CTDSPL2: variants seen among roughly 807,000 people sequenced by gnomAD.
CTDSPL2 encodes the protein CTD small phosphatase like 2, also known as CTD small phosphatase-like protein 2.
CTDSPL2 carries 5 observed loss-of-function variants against 60.0 expected under a neutral mutation model. The ratio of observed to expected loss-of-function variants is 0.08; its 90% confidence interval spans 0.04 to 0.18. The LOEUF (loss-of-function observed/expected upper bound fraction) is 0.18. Ranked by LOEUF, CTDSPL2 falls within the 10% of genes least tolerant of loss-of-function variation. The probability of loss-of-function intolerance (pLI) is 1.00; values close to 1 mark genes in which losing one functional copy is unlikely to be tolerated. For synonymous variants in CTDSPL2, 186 were observed against 189.3 expected, an observed-to-expected ratio of 0.98 and a Z score of 0.14; for missense variants, 370 against 548.8, an observed-to-expected ratio of 0.67 and a Z score of 3.26.
chr15:44,474,025 G>A (rs1311363713), intron 2 of CTDSPL2, among the ~76,000 whole-genome samples: 2 of 152,014 alleles, frequency 1.3e-5, no homozygotes, highest in African/African-American at 4.8e-5. Context: ...ATGGGGTTTC[G>A]CCGTGTTGCC....
intron 1 of CTDSPL2, among the ~76,000 whole-genome samples, chr15:44,431,219 C>T (rs570211086): frequency 2.6e-5 from 4 of 152,112 alleles, no homozygotes; most frequent in African/African-American, 9.6e-5. Flanking sequence ...CCTTAAGCCT[C>T]CCAAAGTGCT....
intron 2 of CTDSPL2, among the ~76,000 whole-genome samples, chr15:44,483,545 A>G (rs2081068140): frequency 6.6e-6 from 1 of 152,052 alleles, no homozygotes; most frequent in African/African-American, 2.4e-5. Context: ...TCTCAAAAAA[A>G]AAAAAATTTA....
chr15:44,454,895 G>A (rs1344052774), intron 1 of CTDSPL2, among the ~76,000 whole-genome samples: 1 of 152,186 alleles, frequency 6.6e-6, no homozygotes. Context: ...GCTTAGGATT[G>A]TCTTGGCAGT....
intron 12 of CTDSPL2, among the ~76,000 whole-genome samples, chr15:44,522,257 C>T (rs2081792588): frequency 6.6e-6 from 1 of 152,220 alleles, no homozygotes; most frequent in South Asian, 2.1e-4. Context: ...TGGTCTTGAA[C>T]TCATGGGCTC....
chr15:44,446,489 G>C (rs2080217095), intron 1 of CTDSPL2, among the ~76,000 whole-genome samples: 1 of 152,002 alleles, frequency 6.6e-6, no homozygotes, highest in Admixed American at 6.6e-5. Flanking sequence ...AAGTAGCCGG[G>C]TGTGGTGGCA....
In CTDSPL2 at chr15:44,499,830, T is replaced by G. The variant is rs2081358470; in HGVS notation, c.969+17T>G. 2 of 1,495,598 alleles carry G rather than the reference T, an allele frequency of 1.3e-6. No individual in the cohort carries two copies. The highest frequency in any genetic ancestry group is 1.9e-6 in the Non-Finnish European group (2 of 1,077,346). 92.6% of individuals were successfully genotyped at this position (1,495,598 alleles called of 1,614,324 possible). Reference sequence around the variant, plus strand: ...ATTTATCAGGTAATTAAAATTTTTTTGATGATTTTTGGCCTGATAGGTAAC... The same window carrying G: ...ATTTATCAGGTAATTAAAATTTTTTGGATGATTTTTGGCCTGATAGGTAAC... On this transcript the variant is annotated intron_variant, in intron 8 of 12. Coordinates refer to ENST00000260327, the MANE Select transcript of CTDSPL2 (RefSeq NM_016396.3).
intron 1 of CTDSPL2, among the ~76,000 whole-genome samples, chr15:44,446,434 C>G (rs1472069223): frequency 2.0e-5 from 3 of 151,864 alleles, no homozygotes; most frequent in Admixed American, 6.6e-5. Context: ...TCGAAACCGC[C>G]CTGGCCAACA....
chr15:44,444,316 C>A (rs908865547), intron 1 of CTDSPL2, among the ~76,000 whole-genome samples: 1 of 146,584 alleles, frequency 6.8e-6, no homozygotes, highest in Non-Finnish European at 1.5e-5. Flanking sequence ...CACACACACA[C>A]ACACACACAC....
intron 1 of CTDSPL2, among the ~76,000 whole-genome samples, chr15:44,443,330 C>T (rs527479527): frequency 6.6e-6 from 1 of 152,292 alleles, no homozygotes; most frequent in African/African-American, 2.4e-5. Flanking sequence ...TCGATTGCAT[C>T]CACCTTTTAG....
At chr15:44,439,121 A>ATAT (rs151096962) in intron 1 of CTDSPL2, among the ~76,000 whole-genome samples, 3,861 of 149,010 alleles carry the variant, frequency 0.026, 88 homozygotes, top group African/African-American at 0.057. Flanking sequence ...CCCAAGCTTT[A>ATAT]TATTATTATT....
At chr15:44,497,753 G>C (rs1225339221) in intron 7 of CTDSPL2, among the ~76,000 whole-genome samples, 3 of 152,100 alleles carry the variant, frequency 2.0e-5, no homozygotes, top group Admixed American at 2.0e-4. Context: ...CTAGAACTTT[G>C]GGAGGCCGAA....
At chr15:44,483,198 GGTTGCT>G (rs1409050419) in intron 2 of CTDSPL2, among the ~76,000 whole-genome samples, 3 of 151,232 alleles carry the variant, frequency 2.0e-5, no homozygotes, top group Non-Finnish European at 4.4e-5. Flanking sequence ...GGCGGGCGGA[GGTTGCT>G]GTGAGGCATG....
chr15:44,433,488 T>A (rs1009098695), intron 1 of CTDSPL2, among the ~76,000 whole-genome samples: 14 of 147,510 alleles, frequency 9.5e-5, no homozygotes, highest in South Asian at 2.2e-4. Flanking sequence ...ACACACACAC[T>A]TTTTTTTCTC....
intron 1 of CTDSPL2, among the ~76,000 whole-genome samples, chr15:44,457,545 GGCTGCTTTGCTTTGTTA>G (rs1419308776): frequency 1.3e-5 from 2 of 152,038 alleles, no homozygotes; most frequent in Non-Finnish European, 2.9e-5. Context: ...TCAGCAAGAA[GGCTGCTTTGCTTTGTTA>G]GCCTTTGTGT....
intron 8 of CTDSPL2, among the ~76,000 whole-genome samples, chr15:44,511,053 C>G (rs1456433199): frequency 1.3e-5 from 2 of 152,170 alleles, no homozygotes; most frequent in Non-Finnish European, 2.9e-5. Flanking sequence ...CTAACCCCAG[C>G]CCAGTACCTT....
chr15:44,461,428 GC>G (rs2080567004), intron 2 of CTDSPL2, among the ~76,000 whole-genome samples: 1 of 151,810 alleles, frequency 6.6e-6, no homozygotes, highest in South Asian at 2.1e-4. Context: ...TTACTCTATT[GC>G]CCAGGCTGGA....
intron 10 of CTDSPL2, chr15:44,518,843 C>A (rs2081705762): frequency 6.4e-6 from 1 of 155,302 alleles, no homozygotes; most frequent in Non-Finnish European, 1.4e-5. Context: ...CCAGATGCTG[C>A]ATCTGAGCTG....
At chr15:44,441,417 G>C (rs989156245) in intron 1 of CTDSPL2, among the ~76,000 whole-genome samples, 1 of 152,124 alleles carries the variant, frequency 6.6e-6, no homozygotes, top group Non-Finnish European at 1.5e-5. Flanking sequence ...TCAGTCCCAT[G>C]TTCGCATATT....
intron 2 of CTDSPL2, among the ~76,000 whole-genome samples, chr15:44,466,715 C>A (rs1472744380): frequency 6.6e-6 from 1 of 151,286 alleles, no homozygotes; most frequent in Non-Finnish European, 1.5e-5. Context: ...GAGGCCGAGG[C>A]GGGCGGATCA....
Sources: gnomAD v4.1 joint callset for allele counts (sites outside exome capture counted in the v4.1 genomes callset) on GRCh38, gnomAD v4.1.1 for gene constraint, MANE v1.5 for transcripts, NCBI Gene and HGNC (gene_info 2026-07-23, HGNC 2026-07-21) for gene names.